Variants in ZSCAN5A observed in about 807,000 individuals in gnomAD.
ZSCAN5A encodes the protein zinc finger and SCAN domain-containing protein 5A.
In ZSCAN5A, 12 loss-of-function variants were observed where a neutral mutation model predicts 23.7. The ratio of observed to expected loss-of-function variants is 0.51; its 90% confidence interval spans 0.32 to 0.82. The LOEUF is 0.82. ZSCAN5A is among the 40% of genes least tolerant of loss of function. The probability of loss-of-function intolerance (pLI) is 0.03; values close to 1 mark genes in which losing one functional copy is unlikely to be tolerated. For synonymous variants in ZSCAN5A, 257 were observed against 239.9 expected (o/e 1.07, Z -0.66); for missense variants, 597 against 617.9 (o/e 0.97, Z 0.36).
At chr19:56,228,516 A>G in intron 2 of ZSCAN5A, 1 of 916,308 alleles carries the variant, frequency 1.1e-6, no homozygotes. Context: ...CTGAGTTGTC[A>G]TACTGCTGAA....
intron 2 of ZSCAN5A, among the ~76,000 whole-genome samples, chr19:56,333,841 G>C (rs4801708): frequency 0.32 from 48,260 of 151,212 alleles, 12,043 homozygotes; most frequent in African/African-American, 0.7. Context: ...GGAGACAGGG[G>C]AAAGGAAAAA....
At chr19:56,272,318 GC>G (rs2037909290) in intron 2 of ZSCAN5A, among the ~76,000 whole-genome samples, 1 of 152,174 alleles carries the variant, frequency 6.6e-6, no homozygotes, top group Non-Finnish European at 1.5e-5. Flanking sequence ...AATATTTTAG[GC>G]CTTTTGGCCC....
At chr19:56,337,194 A>G (rs1836792085) in intron 2 of ZSCAN5A, among the ~76,000 whole-genome samples, 3 of 152,238 alleles carry the variant, frequency 2.0e-5, no homozygotes, top group Admixed American at 2.0e-4. Context: ...GAGCCTACAG[A>G]GGCAGGCAGG....
chr19:56,338,941 A>C (rs1021276795), intron 2 of ZSCAN5A, among the ~76,000 whole-genome samples: 1 of 152,228 alleles, frequency 6.6e-6, no homozygotes, highest in Non-Finnish European at 1.5e-5. Context: ...ATGGAAGGAG[A>C]AAGCTTGACA....
intron 2 of ZSCAN5A, chr19:56,343,102 T>C (rs368516620): frequency 3.9e-6 from 3 of 761,312 alleles, no homozygotes. Context: ...CTTCGGGTCC[T>C]ATCCAATGAT....
At chr19:56,361,807 C>T (rs1023465538) in intron 2 of ZSCAN5A, among the ~76,000 whole-genome samples, 4 of 151,976 alleles carry the variant, frequency 2.6e-5, no homozygotes, top group Non-Finnish European at 4.4e-5. Context: ...CACCATGGCA[C>T]GCATTTACCT....
At chr19:56,311,172 T>C (rs555763083) in intron 2 of ZSCAN5A, among the ~76,000 whole-genome samples, 1 of 152,312 alleles carries the variant, frequency 6.6e-6, no homozygotes, top group African/African-American at 2.4e-5. Context: ...GACACAGGCA[T>C]GCTTGCAAAG....
chr19:56,361,765 A>G (rs890134397), intron 2 of ZSCAN5A, among the ~76,000 whole-genome samples: 1 of 152,108 alleles, frequency 6.6e-6, no homozygotes, highest in Non-Finnish European at 1.5e-5. Context: ...CAGGTTTAAT[A>G]CCTAGGTGAT....
chr19:56,298,514 G>A (rs190358050), intron 2 of ZSCAN5A, among the ~76,000 whole-genome samples: 14 of 151,718 alleles, frequency 9.2e-5, no homozygotes, highest in African/African-American at 2.4e-4. Flanking sequence ...TTAGCCAGGC[G>A]TGGTGGCGGG....
chr19:56,246,836 C>T (rs774524507), intron 2 of ZSCAN5A: 46 of 1,611,266 alleles, frequency 2.9e-5, no homozygotes, highest in South Asian at 2.3e-4. Flanking sequence ...AGAGAAGCTT[C>T]GACTCACAGC....
At chr19:56,271,145 C>T (rs1452387155) in intron 2 of ZSCAN5A, among the ~76,000 whole-genome samples, 2 of 152,158 alleles carry the variant, frequency 1.3e-5, no homozygotes, top group South Asian at 2.1e-4. Context: ...AAAATCGAAA[C>T]GTAGGACTAA....
chr19:56,246,951 C>A, intron 2 of ZSCAN5A: 1 of 1,527,630 alleles, frequency 6.5e-7, no homozygotes, highest in Non-Finnish European at 9.1e-7. Context: ...CACCTGTGGG[C>A]AACAGCGAAT....
At chr19:56,225,628 G>A (rs748060338) in intron 2 of ZSCAN5A, among the ~76,000 whole-genome samples, 4 of 152,182 alleles carry the variant, frequency 2.6e-5, no homozygotes, top group Non-Finnish European at 4.4e-5. Flanking sequence ...TTGCTCCAGG[G>A]AAGGGACAGC....
intron 2 of ZSCAN5A, among the ~76,000 whole-genome samples, chr19:56,276,631 G>A (rs1020185117): frequency 6.8e-4 from 103 of 151,850 alleles, no homozygotes; most frequent in African/African-American, 2.4e-3. Context: ...CTGCCTCCTG[G>A]GTTCAAGCGA....
chr19:56,351,065 AGTTAGGTTT>A lies in ZSCAN5A; in HGVS notation c.-358+12161_-358+12169del. Reference sequence around the variant, plus strand: ...TCATCATCTAACACCCCCTAACAGCAGTTAGGTTTACTTCTCTTTGAGGGGGGGATATTA... The same window carrying A: ...TCATCATCTAACACCCCCTAACAGCAACTTCTCTTTGAGGGGGGGATATTA... On this transcript the variant is annotated intron_variant, in intron 2 of 6. Transcript: ENST00000587340. This position sits in a 1 kb window ranked among gnomAD's most constrained non-coding sequence, Gnocchi z 4.8. Among the ~76,000 whole-genome samples, 1 of 151,870 alleles carries A rather than the reference AGTTAGGTTT, an allele frequency of 6.6e-6. No homozygotes were observed. The highest frequency in any genetic ancestry group is 1.5e-5 in the Non-Finnish European group (1 of 67,974).
intron 2 of ZSCAN5A, among the ~76,000 whole-genome samples, chr19:56,324,524 T>A (rs933466180): frequency 6.6e-6 from 1 of 151,680 alleles, no homozygotes; most frequent in African/African-American, 2.4e-5. Flanking sequence ...GGAACCCTCG[T>A]ACAATGTTGG....
chr19:56,309,791 A>G (rs1020851963), intron 2 of ZSCAN5A, among the ~76,000 whole-genome samples: 2 of 152,156 alleles, frequency 1.3e-5, no homozygotes, highest in African/African-American at 4.8e-5. Flanking sequence ...CGGGACAGTG[A>G]GGAACTGGAG....
intron 2 of ZSCAN5A, among the ~76,000 whole-genome samples, chr19:56,328,400 C>T (rs146179493): frequency 0.013 from 2,037 of 151,944 alleles, 98 homozygotes; most frequent in Admixed American, 0.094. Context: ...GATCCCAGCA[C>T]TTTGGGAGGC....
At chr19:56,228,510 G>A in intron 2 of ZSCAN5A, 1 of 923,658 alleles carries the variant, frequency 1.1e-6, no homozygotes, top group South Asian at 5.0e-5. Context: ...GCTCTACTGA[G>A]TTGTCATACT....
Sources: allele counts gnomAD v4.1 joint callset (sites outside exome capture counted in the v4.1 genomes callset), GRCh38; gene constraint gnomAD v4.1.1; non-coding constraint Gnocchi (gnomAD v3.1); transcripts MANE v1.5; gene names NCBI Gene and HGNC (gene_info 2026-07-23, HGNC 2026-07-21).